MACROD2: variants seen among roughly 807,000 people sequenced by gnomAD.
MACROD2 encodes ADP-ribose glycohydrolase MACROD2.
Under a neutral mutation model 70.4 loss-of-function variants are expected in MACROD2, and 36 were observed. The observed-to-expected ratio is 0.51, with a 90% confidence interval of 0.39 to 0.68. The LOEUF (loss-of-function observed/expected upper bound fraction) is 0.68. Ranked by LOEUF, MACROD2 falls within the 30% of genes least tolerant of loss-of-function variation. The pLI is 0.00. For synonymous variants in MACROD2, 172 were observed against 178.8 expected (o/e 0.96, Z 0.30); for missense variants, 496 against 538.4 (o/e 0.92, Z 0.78).
intron 8 of MACROD2, among the ~76,000 whole-genome samples, chr20:15,861,465 A>G (rs2064423080): frequency 6.6e-6 from 1 of 152,208 alleles, no homozygotes; most frequent in Non-Finnish European, 1.5e-5. Context: ...AACACAAGAA[A>G]AAAGAAATGT....
intron 13 of MACROD2, among the ~76,000 whole-genome samples, chr20:15,976,392 A>G (rs1423132723): frequency 3.9e-5 from 6 of 152,218 alleles, no homozygotes; most frequent in Non-Finnish European, 8.8e-5. Flanking sequence ...AAATATATAC[A>G]TAAACTGTGG....
intron 4 of MACROD2, among the ~76,000 whole-genome samples, chr20:14,532,088 C>G (rs1208369344): frequency 6.6e-6 from 1 of 151,892 alleles, no homozygotes; most frequent in Non-Finnish European, 1.5e-5. Flanking sequence ...TGCACATTTA[C>G]TTCATACTTC....
chr20:14,604,134 C>T (rs1248928886), intron 4 of MACROD2, among the ~76,000 whole-genome samples: 1 of 152,162 alleles, frequency 6.6e-6, no homozygotes, highest in African/African-American at 2.4e-5. Context: ...ATTAACTACT[C>T]AATTATATAC....
chr20:14,641,983 A>G (rs984535664), intron 4 of MACROD2, among the ~76,000 whole-genome samples: 2 of 152,184 alleles, frequency 1.3e-5, no homozygotes, highest in Non-Finnish European at 2.9e-5. Flanking sequence ...CCCTCTACCT[A>G]TGAAAGTCCT....
chr20:14,987,946 C>G (rs2074864079), intron 5 of MACROD2, among the ~76,000 whole-genome samples: 1 of 152,146 alleles, frequency 6.6e-6, no homozygotes, highest in African/African-American at 2.4e-5. Context: ...GAGTGAAGCT[C>G]TGGATCTAGG....
At chr20:15,518,132 G>T (rs2047596269) in intron 8 of MACROD2, among the ~76,000 whole-genome samples, 1 of 152,244 alleles carries the variant, frequency 6.6e-6, no homozygotes, top group South Asian at 2.1e-4. Flanking sequence ...AAGGTGATGG[G>T]TTCATTGTTG....
rs1261096475 is a variant in MACROD2 at position 14,233,698 on chromosome 20, C to CAAAAA, written c.271+147981_271+147985dup. ...GGCGACAGAGCGAGACTCCGTCTCACAAAAAAAAAAAAAAAGAAAAGAAAA... is the reference window on the plus strand; with the variant it reads ...GGCGACAGAGCGAGACTCCGTCTCACAAAAAAAAAAAAAAAAAAAAGAAAAGAAAA... On this transcript the variant is annotated intron_variant, in intron 3 of 17. Transcript: ENST00000684519. 4.4e-3 allele frequency among the ~76,000 whole-genome samples: 118 copies of CAAAAA among 26,934 alleles called. 1 individual carries two copies. Among genetic ancestry groups the CAAAAA allele is most frequent in the East Asian group, 9.6e-3 (9 of 940 alleles). The allele number at this position is 26,934 out of a possible 152,430, so 17.7% of individuals were successfully genotyped here. A position where few individuals can be genotyped will look rare whatever the true frequency, so the allele number is the denominator to read the frequency against.
chr20:15,238,048 T>A (rs1487145196), intron 6 of MACROD2, among the ~76,000 whole-genome samples: 2 of 152,232 alleles, frequency 1.3e-5, no homozygotes, highest in African/African-American at 2.4e-5. Flanking sequence ...AAATGTCATT[T>A]CTGCATAGCA....
At chr20:15,963,312 C>T (rs1293748798) in intron 12 of MACROD2, among the ~76,000 whole-genome samples, 1 of 152,092 alleles carries the variant, frequency 6.6e-6, no homozygotes, top group Non-Finnish European at 1.5e-5. Flanking sequence ...AGTTCTACGC[C>T]AAAATGACCT....
intron 5 of MACROD2, among the ~76,000 whole-genome samples, chr20:15,025,257 G>A (rs188787208): frequency 6.6e-6 from 1 of 152,042 alleles, no homozygotes; most frequent in Admixed American, 6.6e-5. Context: ...ATGGGGGAGA[G>A]AGAGGGGGTT....
At position 15,823,202 on chromosome 20, in the gene MACROD2, A is replaced by C. The variant is rs12480152; in HGVS notation, c.646-39543A>C. 3.8e-3 allele frequency among the ~76,000 whole-genome samples: 575 copies of C among 152,232 alleles called. 14 individuals carry two copies. Among genetic ancestry groups the C allele is most frequent in the Admixed American group, 0.035 (539 of 15,264 alleles). ...AAAATAGCTTTAACGATGACTTTAA[A>C]ATCTGCACTTTTCAAATCAAGCACT... On this transcript the variant is annotated intron_variant, in intron 8 of 17. Coordinates refer to ENST00000684519, the MANE Select transcript of MACROD2 (RefSeq NM_001351661.2).
chr20:15,772,249 T>C (rs1189791876), intron 8 of MACROD2, among the ~76,000 whole-genome samples: 1 of 150,806 alleles, frequency 6.6e-6, no homozygotes, highest in African/African-American at 2.4e-5. Flanking sequence ...TGTGTACCTA[T>C]GATGTTACAA....
At chr20:15,693,217 TGACA>T (rs2050320805) in intron 8 of MACROD2, among the ~76,000 whole-genome samples, 1 of 152,214 alleles carries the variant, frequency 6.6e-6, no homozygotes, top group Admixed American at 6.5e-5. Context: ...TGATTCAAAC[TGACA>T]ATTTTCAGAA....
intron 5 of MACROD2, among the ~76,000 whole-genome samples, chr20:14,836,238 G>A (rs13041492): frequency 3.7e-4 from 56 of 152,140 alleles, no homozygotes; most frequent in African/African-American, 1.2e-3. Context: ...TTGCTGTTAC[G>A]CTGTAATACC....
chr20:15,926,702 G>A (rs1243637003), intron 10 of MACROD2, among the ~76,000 whole-genome samples: 4 of 152,076 alleles, frequency 2.6e-5, no homozygotes, highest in Non-Finnish European at 5.9e-5. Flanking sequence ...GAGGGGTCAG[G>A]CAATGCAAAG....
intron 5 of MACROD2, among the ~76,000 whole-genome samples, chr20:15,033,720 T>C (rs1376191977): frequency 6.6e-6 from 1 of 152,186 alleles, no homozygotes; most frequent in African/African-American, 2.4e-5. Flanking sequence ...ATTTTTGTCT[T>C]CCAAGACACT....
chr20:14,839,529 C>T (rs1236068977), intron 5 of MACROD2, among the ~76,000 whole-genome samples: 2 of 152,012 alleles, frequency 1.3e-5, no homozygotes, highest in African/African-American at 4.8e-5. Flanking sequence ...TTCCCATTTC[C>T]CATAAAATAA....
chr20:15,293,132 C>A (rs1313479221), intron 6 of MACROD2, among the ~76,000 whole-genome samples: 1 of 152,194 alleles, frequency 6.6e-6, no homozygotes, highest in African/African-American at 2.4e-5. Flanking sequence ...TGCCAAAATT[C>A]TACCTTTAAG....
In MACROD2 at chr20:15,967,610, G is replaced by C. The variant is rs763015539; in HGVS notation, c.965G>C (p.Arg322Pro). 1 of 1,603,946 alleles carries C rather than the reference G, an allele frequency of 6.2e-7. No homozygotes were observed. The highest frequency in any genetic ancestry group is 1.7e-5 in the Admixed American group (1 of 58,978). ...GGTGAAGTGACAGATCATTCTGTGCGTGACCAAGATCATCCCGATGGTAGG... is the reference window on the plus strand; with the variant it reads ...GGTGAAGTGACAGATCATTCTGTGCCTGACCAAGATCATCCCGATGGTAGG... ...KGGEVTDHSVRDQDHPDGQEN... is the reference protein window; with the variant it reads ...KGGEVTDHSVPDQDHPDGQEN... The change falls in exon 13 of 18, where the codon CGT becomes CCT. Residue 322 changes from arginine to proline, a missense_variant. Coordinates refer to ENST00000684519, the MANE Select transcript of MACROD2 (RefSeq NM_001351661.2).
Sources: gnomAD v4.1 joint callset for allele counts (sites outside exome capture counted in the v4.1 genomes callset) on GRCh38, gnomAD v4.1.1 for gene constraint, MANE v1.5 for transcripts, NCBI Gene and HGNC (gene_info 2026-07-23, HGNC 2026-07-21) for gene names.